Variants in PRICKLE2 observed in about 807,000 individuals in gnomAD.
The protein encoded by PRICKLE2 is prickle planar cell polarity protein 2.
A neutral mutation model predicts 81.4 loss-of-function variants in PRICKLE2; 21 were observed. The ratio of observed to expected loss-of-function variants is 0.26; its 90% CI spans 0.18 to 0.37. PRICKLE2 has a LOEUF of 0.37. Among genes scored for constraint, PRICKLE2 ranks in the 10% least tolerant of loss-of-function variants. PRICKLE2 has a pLI of 1.00. For missense variants in PRICKLE2, 940 were observed against 1,109.0 expected (o/e 0.85, Z 2.16); for synonymous variants, 456 against 421.5 (o/e 1.08, Z -1.00).
chr3:64,246,959 T>C (rs567709923), intron 2 of PRICKLE2, among the ~76,000 whole-genome samples: 12 of 152,320 alleles, frequency 7.9e-5, no homozygotes, highest in African/African-American at 2.9e-4. Context: ...TCAGCAATAC[T>C]TATTCACAGG....
chr3:64,265,981 C>T (rs2079700011), intron 2 of PRICKLE2, among the ~76,000 whole-genome samples: 1 of 152,120 alleles, frequency 6.6e-6, no homozygotes, highest in African/African-American at 2.4e-5. Flanking sequence ...AATGGAAGTA[C>T]AACCCCGAAA....
intron 1 of PRICKLE2, among the ~76,000 whole-genome samples, chr3:64,223,921 G>T (rs1358766240): frequency 6.6e-6 from 1 of 152,222 alleles, no homozygotes; most frequent in Non-Finnish European, 1.5e-5. Flanking sequence ...TTTGGGAAGA[G>T]ATGTGCAGGC....
chr3:64,196,856 C>A (rs1321187082), intron 2 of PRICKLE2, among the ~76,000 whole-genome samples: 1 of 152,128 alleles, frequency 6.6e-6, no homozygotes, highest in Non-Finnish European at 1.5e-5. Context: ...TCACTCAACT[C>A]CAACCAATTA....
chr3:64,225,234 C>G lies in PRICKLE2; in HGVS notation c.-365G>C. ...TAGATCAGCCTGAGTGCTCAGATCG[C>G]CTTCCGGAGGACCCCCAGTTTCCTC... On this transcript the variant is annotated 5_prime_UTR_variant, in exon 1 of 8. Coordinates refer to ENST00000638394, the MANE Select transcript of PRICKLE2 (RefSeq NM_198859.4). 1 of 985,446 alleles carries G rather than the reference C, an allele frequency of 1.0e-6. No individual in the cohort carries two copies. The highest frequency in any genetic ancestry group is 1.2e-6 in the Non-Finnish European group (1 of 830,028). The allele number at this position is 985,446 out of a possible 1,614,324, so 61.0% of individuals were successfully genotyped here. A position where few individuals can be genotyped will look rare whatever the true frequency, so the allele number is the denominator to read the frequency against.
At chr3:64,240,475 A>C (rs1257130945) in intron 2 of PRICKLE2, among the ~76,000 whole-genome samples, 2 of 152,322 alleles carry the variant, frequency 1.3e-5, no homozygotes, top group South Asian at 4.1e-4. Context: ...AATTGAGGAA[A>C]TATAGGAACT....
chr3:64,238,495 A>G (rs915112903), intron 2 of PRICKLE2, among the ~76,000 whole-genome samples: 35 of 151,780 alleles, frequency 2.3e-4, no homozygotes, highest in African/African-American at 7.8e-4. Context: ...CAAAAAAAAA[A>G]AAAAAGAAAA....
At chr3:64,194,429 A>G (rs925353979) in intron 2 of PRICKLE2, 1 of 152,166 alleles carries the variant, frequency 6.6e-6, no homozygotes, top group Non-Finnish European at 1.5e-5. Context: ...TGATCCTCCT[A>G]TTCCCCAGGA....
chr3:64,101,400 T>A (rs1015186643), intron 7 of PRICKLE2: 1 of 152,122 alleles, frequency 6.6e-6, no homozygotes, highest in African/African-American at 2.4e-5. Context: ...AATTCCAGGA[T>A]AAAGGCAAGG....
rs1469831594 is a variant in PRICKLE2, at chr3:64,165,984, G to A, written c.145-2855C>T. Among the ~76,000 whole-genome samples, 5 of 30,614 alleles carry A rather than the reference G, an allele frequency of 1.6e-4. No individual in the cohort carries two copies. The Admixed American group carries it at 2.0e-3, about 12-fold the overall frequency. 20.1% of individuals were successfully genotyped at this position (30,614 alleles called of 152,430 possible). A position where few individuals can be genotyped will look rare whatever the true frequency, so the allele number is the denominator to read the frequency against. On this transcript the variant is annotated intron_variant, in intron 2 of 7. Transcript: ENST00000638394. ...TAAAGGTGTGTGTGTGTGTGTGTGT[G>A]TGTGTGTGTGTGTGTGTGTGTGTGT...
chr3:64,165,963 GGTGTGTGTGTGTGTGTGTGTGTGTGT>G (rs67554015), intron 2 of PRICKLE2, among the ~76,000 whole-genome samples: 15 of 61,876 alleles, frequency 2.4e-4, no homozygotes, highest in African/African-American at 6.5e-4. Context: ...CTGTTATAAA[GGTGTGTGTGTGTGTGTGTGTGTGTGT>G]GTGTGTGTGT....
intron 2 of PRICKLE2, among the ~76,000 whole-genome samples, chr3:64,266,960 A>ATT (rs1553664813): frequency 6.6e-6 from 1 of 151,124 alleles, no homozygotes; most frequent in Non-Finnish European, 1.5e-5. Flanking sequence ...AAAAAAGTAA[A>ATT]CTGACCCTCT....
intron 2 of PRICKLE2, among the ~76,000 whole-genome samples, chr3:64,248,573 G>T (rs1050765514): frequency 3.3e-5 from 5 of 152,068 alleles, no homozygotes; most frequent in African/African-American, 1.2e-4. Flanking sequence ...AGGAGTAAGA[G>T]GTGAAGCCAT....
At chr3:64,189,381 T>G (rs999992598) in intron 2 of PRICKLE2, among the ~76,000 whole-genome samples, 3 of 152,198 alleles carry the variant, frequency 2.0e-5, no homozygotes, top group African/African-American at 7.2e-5. Flanking sequence ...AGAGACTGTG[T>G]GACTCATGCT....
At chr3:64,205,007 CAT>C (rs1280509601) in intron 1 of PRICKLE2, among the ~76,000 whole-genome samples, 1 of 150,946 alleles carries the variant, frequency 6.6e-6, no homozygotes, top group Non-Finnish European at 1.5e-5. Flanking sequence ...CTGAATGAAA[CAT>C]ATTCGGAAGT....
chr3:64,118,788 T>C (rs2076980187), intron 7 of PRICKLE2, among the ~76,000 whole-genome samples: 1 of 152,122 alleles, frequency 6.6e-6, no homozygotes, highest in East Asian at 1.9e-4. Context: ...AGGGTGTCGA[T>C]TAGTTCAACC....
intron 2 of PRICKLE2, chr3:64,267,827 G>T (rs968509225): frequency 6.6e-6 from 1 of 152,238 alleles, no homozygotes; most frequent in Non-Finnish European, 1.5e-5. Flanking sequence ...TTTCAGGGGA[G>T]CTCCTGAAAC....
At chr3:64,232,272 G>T (rs1322127646) in intron 2 of PRICKLE2, among the ~76,000 whole-genome samples, 1 of 152,124 alleles carries the variant, frequency 6.6e-6, no homozygotes, top group African/African-American at 2.4e-5. Context: ...TGCCTTTTGT[G>T]GCTCACCATT....
chr3:64,241,820 C>T lies in PRICKLE2; in HGVS notation c.129-42853G>A, dbSNP rs115614986. ...ACAAAAGGGCCTGATTGTCGGCAGC[C>T]CCAATCATGCCTTCAGCGTTGGCCA... On this transcript the variant is annotated intron_variant, in intron 2 of 8. Coordinates refer to the PRICKLE2 transcript ENST00000295902. Among the ~76,000 whole-genome samples the T allele has an allele frequency of 2.8e-3, 432 of 152,210 alleles. 5 individuals carry two copies. Among genetic ancestry groups the T allele is most frequent in the Non-Finnish European group, 5.1e-3 (347 of 68,006 alleles).
rs547631955 is a variant in PRICKLE2, at chr3:64,244,587, G to A, written c.129-45620C>T. On this transcript the variant is annotated intron_variant, in intron 2 of 8. Coordinates refer to the PRICKLE2 transcript ENST00000295902. ...GGGAAACTATGATAAACCTAGAGGA[G>A]AAAAAGTGAATGACTGGTGTGTGTG... 1.6e-4 allele frequency among the ~76,000 whole-genome samples: 24 copies of A among 147,264 alleles called. No homozygotes were observed. In the South Asian group the frequency reaches 5.3e-3, roughly 32 times the overall value.
Sources: allele counts gnomAD v4.1 joint callset (sites outside exome capture counted in the v4.1 genomes callset), GRCh38; gene constraint gnomAD v4.1.1; transcripts MANE v1.5; gene names NCBI Gene and HGNC (gene_info 2026-07-23, HGNC 2026-07-21).